RASEF: variants seen among roughly 807,000 people sequenced by gnomAD.
The protein encoded by RASEF is ras and EF-hand domain-containing protein.
Under a neutral mutation model 90.1 loss-of-function variants are expected in RASEF, and 68 were observed. The observed-to-expected ratio is 0.75, with a 90% CI of 0.62 to 0.92. The LOEUF is 0.92. RASEF is among the 40% of genes least tolerant of loss of function. RASEF has a pLI of 0.00. For missense variants in RASEF, 949 were observed against 937.2 expected (o/e 1.01, Z -0.16); for synonymous variants, 331 against 345.2 (o/e 0.96, Z 0.46).
chr9:83,077,587 G>A, the RASEF span, among the ~76,000 whole-genome samples: 2 of 151,294 alleles, frequency 1.3e-5, no homozygotes, highest in Non-Finnish European at 2.9e-5. Flanking sequence ...AAACATTGGG[G>A]AAAAAAAACA....
the RASEF span, among the ~76,000 whole-genome samples, chr9:83,079,102 G>T: frequency 6.6e-6 from 1 of 152,128 alleles, no homozygotes; most frequent in African/African-American, 2.4e-5. Context: ...ATTGCTTTTG[G>T]TGTCTTTGTC....
chr9:83,076,152 G>A, the RASEF span, among the ~76,000 whole-genome samples: 2 of 148,768 alleles, frequency 1.3e-5, no homozygotes, highest in South Asian at 2.1e-4. Context: ...TGGTGACAGA[G>A]CGAGACTGTC....
chr9:83,031,162 C>T (rs1217981336), intron 1 of RASEF, among the ~76,000 whole-genome samples: 2 of 152,218 alleles, frequency 1.3e-5, no homozygotes, highest in Admixed American at 1.3e-4. Context: ...TTGTTACAGT[C>T]AGCTTAAGCT....
At chr9:83,134,412 A>G in the RASEF span, among the ~76,000 whole-genome samples, 183 of 110,756 alleles carry the variant, frequency 1.7e-3, 1 homozygote, top group East Asian at 0.02. Flanking sequence ...ACAATAGCGC[A>G]CACACACACA....
the RASEF span, among the ~76,000 whole-genome samples, chr9:83,126,803 C>T: frequency 6.6e-6 from 1 of 152,138 alleles, no homozygotes; most frequent in African/African-American, 2.4e-5. Context: ...TTATTAAAAA[C>T]ACAATTTTAT....
At chr9:83,022,541 C>A in intron 2 of RASEF, 115 bp from the exon 3 acceptor site, 1 of 711,798 alleles carries the variant, frequency 1.4e-6, no homozygotes. Flanking sequence ...GAGAAACACC[C>A]CATTCAAAAT....
At chr9:83,156,151 G>C in the RASEF span, among the ~76,000 whole-genome samples, 1 of 152,114 alleles carries the variant, frequency 6.6e-6, no homozygotes, top group Non-Finnish European at 1.5e-5. Context: ...AATTTCTTTA[G>C]AAGAGGCCTG....
At chr9:83,105,749 A>T in the RASEF span, among the ~76,000 whole-genome samples, 1 of 152,240 alleles carries the variant, frequency 6.6e-6, no homozygotes, top group East Asian at 1.9e-4. Context: ...AATCCAAGCC[A>T]ACTAATGCCA....
chr9:83,202,975 A>T, the RASEF span, among the ~76,000 whole-genome samples: 1 of 152,202 alleles, frequency 6.6e-6, no homozygotes, highest in Non-Finnish European at 1.5e-5. Context: ...CAGTACTTAA[A>T]AGAAAAAGAT....
chr9:83,163,192 A>G, the RASEF span, among the ~76,000 whole-genome samples: 10 of 152,228 alleles, frequency 6.6e-5, no homozygotes, highest in African/African-American at 2.2e-4. Context: ...CACAGTCCAT[A>G]GGCATGGCCT....
At chr9:83,185,034 A>C in the RASEF span, among the ~76,000 whole-genome samples, 1 of 152,140 alleles carries the variant, frequency 6.6e-6, no homozygotes, top group Non-Finnish European at 1.5e-5. Context: ...ATCTGTTTTA[A>C]AACAAGCCTC....
At chr9:83,112,681 C>T in the RASEF span, among the ~76,000 whole-genome samples, 305 of 147,386 alleles carry the variant, frequency 2.1e-3, no homozygotes, top group African/African-American at 6.0e-3. Flanking sequence ...GAGTGAAACT[C>T]GGTCTCAAAA....
At chr9:83,074,074 T>C in the RASEF span, among the ~76,000 whole-genome samples, 1 of 152,198 alleles carries the variant, frequency 6.6e-6, no homozygotes, top group East Asian at 1.9e-4. Flanking sequence ...AACTCTATTT[T>C]CCTGAAAATG....
the RASEF span, among the ~76,000 whole-genome samples, chr9:83,159,818 C>T: frequency 6.6e-5 from 10 of 152,306 alleles, no homozygotes; most frequent in Admixed American, 1.3e-4. Flanking sequence ...GTAACTCCCT[C>T]GTTCCCATGT....
the RASEF span, among the ~76,000 whole-genome samples, chr9:83,215,382 G>C: frequency 1.3e-5 from 2 of 152,128 alleles, no homozygotes; most frequent in South Asian, 4.1e-4. Context: ...GCCATCTGTG[G>C]ATGGCAAGGG....
At chr9:83,002,999 T>C (rs1408920951) in intron 9 of RASEF, among the ~76,000 whole-genome samples, 8 of 152,196 alleles carry the variant, frequency 5.3e-5, no homozygotes, top group African/African-American at 1.7e-4. Flanking sequence ...AATAATTTCA[T>C]TATAATTAAC....
chr9:83,204,590 C>T, the RASEF span, among the ~76,000 whole-genome samples: 4 of 152,152 alleles, frequency 2.6e-5, no homozygotes, highest in African/African-American at 7.2e-5. Flanking sequence ...AGACATTGGA[C>T]GAAATAAGAA....
rs756941622 is a variant in RASEF, at chr9:83,009,740, T to C, written c.860A>G (p.Lys287Arg). 1 of 1,611,878 alleles carries C rather than the reference T, an allele frequency of 6.2e-7. No homozygotes were observed. The highest frequency in any genetic ancestry group is 8.5e-7 in the Non-Finnish European group (1 of 1,178,066). ...YDLSMENQKV[K>R]KDLLEAQTNI... ...TGTCTGTGCTTCTAAAAGGTCTTTCTTAACTTTCTGGTTTTCCTGGATAAA... is the reference window on the plus strand; with the variant it reads ...TGTCTGTGCTTCTAAAAGGTCTTTCCTAACTTTCTGGTTTTCCTGGATAAA... The change falls in exon 6 of 17, where the codon AAG becomes AGG. Residue 287 changes from lysine (K) to arginine (R), a missense_variant. Lys to Arg is a conservative substitution (Grantham distance 26). This residue lies in a region of RASEF where 656 missense variants were observed against 592.2 expected (regional missense o/e 1.11). Transcript: ENST00000376447.
At chr9:83,058,586 A>G (rs1264679147) in intron 1 of RASEF, among the ~76,000 whole-genome samples, 1 of 152,168 alleles carries the variant, frequency 6.6e-6, no homozygotes, top group African/African-American at 2.4e-5. Context: ...CACTATTACA[A>G]AACAAGGCAA....
Sources: allele counts gnomAD v4.1 joint callset (sites outside exome capture counted in the v4.1 genomes callset), GRCh38; gene constraint gnomAD v4.1.1; regional missense constraint gnomAD v4.1.1; transcripts MANE v1.5; gene names NCBI Gene and HGNC (gene_info 2026-07-23, HGNC 2026-07-21).